Variants in MAST4 observed in about 807,000 individuals in gnomAD.
The protein encoded by MAST4 is microtubule-associated serine/threonine-protein kinase 4.
Under a neutral mutation model 162.7 loss-of-function variants are expected in MAST4, and 89 were observed. That is an observed-to-expected ratio of 0.55 (90% CI 0.46 to 0.65). The LOEUF (loss-of-function observed/expected upper bound fraction) is 0.65, where lower values mean the gene tolerates loss of function less well. Ranked by LOEUF, MAST4 falls within the 30% of genes least tolerant of loss-of-function variation. The probability of loss-of-function intolerance (pLI) is 0.00; values close to 1 mark genes in which losing one functional copy is unlikely to be tolerated. For missense variants in MAST4, 3,153 were observed against 3,374.0 expected, an observed-to-expected ratio of 0.93 and a Z score of 1.62; for synonymous variants, 1,479 against 1,361.1, an observed-to-expected ratio of 1.09 and a Z score of -1.91.
At chr5:66,658,819 C>G (rs184031629) in intron 1 of MAST4, among the ~76,000 whole-genome samples, 1 of 152,100 alleles carries the variant, frequency 6.6e-6, no homozygotes, top group African/African-American at 2.4e-5. Context: ...CCCAGGAGTT[C>G]CAGACTAGCC....
intron 3 of MAST4, among the ~76,000 whole-genome samples, chr5:66,842,113 G>A (rs1486783791): frequency 6.6e-6 from 1 of 152,146 alleles, no homozygotes; most frequent in Non-Finnish European, 1.5e-5. Flanking sequence ...GCTTCTGTGG[G>A]CTTTAAAACA....
intron 4 of MAST4, among the ~76,000 whole-genome samples, chr5:66,915,863 C>A (rs37565): frequency 0.55 from 83,945 of 151,982 alleles, 23,735 homozygotes; most frequent in African/African-American, 0.66. Flanking sequence ...TGGAAGAAGA[C>A]GAAATTTTCT....
chr5:66,716,256 A>AT (rs1750829190), intron 1 of MAST4, among the ~76,000 whole-genome samples: 1 of 152,154 alleles, frequency 6.6e-6, no homozygotes, highest in Admixed American at 6.5e-5. Flanking sequence ...AAATTTCATT[A>AT]TTTACAGTAT....
intron 14 of MAST4, among the ~76,000 whole-genome samples, chr5:67,125,057 T>C (rs1768052370): frequency 6.6e-6 from 1 of 152,102 alleles, no homozygotes; most frequent in South Asian, 2.1e-4. Flanking sequence ...ATAATATACG[T>C]CCAAGGCTCC....
intron 3 of MAST4, among the ~76,000 whole-genome samples, chr5:66,789,446 T>C (rs1755281789): frequency 6.6e-6 from 1 of 152,204 alleles, no homozygotes. Context: ...GTCCCTCTCT[T>C]TAGTCCCCTT....
chr5:67,020,839 A>G (rs1223025361), intron 4 of MAST4, among the ~76,000 whole-genome samples: 1 of 152,168 alleles, frequency 6.6e-6, no homozygotes, highest in Non-Finnish European at 1.5e-5. Flanking sequence ...TACAGCCTGC[A>G]GGCCCAATCT....
At chr5:66,748,036 G>T (rs1752874688) in intron 1 of MAST4, among the ~76,000 whole-genome samples, 2 of 152,146 alleles carry the variant, frequency 1.3e-5, no homozygotes, top group South Asian at 2.1e-4. Flanking sequence ...TGGTGATAGG[G>T]TGTGGGCTTT....
At chr5:66,598,466 C>T (rs1370576562) in intron 1 of MAST4, among the ~76,000 whole-genome samples, 1 of 152,210 alleles carries the variant, frequency 6.6e-6, no homozygotes. Context: ...CAAATCGATC[C>T]TAGCGGCGGG....
intron 3 of MAST4, among the ~76,000 whole-genome samples, chr5:66,885,339 G>A (rs1040733276): frequency 4.6e-5 from 7 of 152,136 alleles, no homozygotes; most frequent in African/African-American, 1.7e-4. Context: ...ACACTTTTTA[G>A]TTAAAGCAAC....
chr5:67,067,080 A>G (rs1385176650), intron 5 of MAST4, among the ~76,000 whole-genome samples: 1 of 152,246 alleles, frequency 6.6e-6, no homozygotes, highest in Non-Finnish European at 1.5e-5. Flanking sequence ...AGGAGGCTAC[A>G]GAGCCTGTCA....
intron 1 of MAST4, among the ~76,000 whole-genome samples, chr5:66,734,518 G>A (rs549831575): frequency 3.4e-4 from 51 of 152,128 alleles, no homozygotes; most frequent in Non-Finnish European, 6.2e-4. Context: ...GAACTTAGCC[G>A]AAAATGATGT....
Position 66,828,857 on chromosome 5 carries a change from G to C in MAST4, c.642+40063G>C, listed in dbSNP as rs1188169089. 4.4e-6 allele frequency: 7 copies of C among 1,606,808 alleles called. No homozygotes were observed. The highest frequency in any genetic ancestry group is 1.6e-4 in the Middle Eastern group (1 of 6,070). ...GCAGAGGGTGAGATGGATGAGTCCAGCATTCTAAGACGAAGAGGGCTCCAG... is the reference window on the plus strand; with the variant it reads ...GCAGAGGGTGAGATGGATGAGTCCACCATTCTAAGACGAAGAGGGCTCCAG... On this transcript the variant is annotated intron_variant, in intron 3 of 28. Transcript: ENST00000403625.
intron 3 of MAST4, among the ~76,000 whole-genome samples, chr5:66,803,192 G>A (rs896491277): frequency 6.6e-6 from 1 of 152,122 alleles, no homozygotes; most frequent in African/African-American, 2.4e-5. Context: ...TAAGTATTGG[G>A]TGTATTTCTC....
chr5:66,872,635 C>T lies in MAST4; in HGVS notation c.643-27316C>T, dbSNP rs189230016. Among the ~76,000 whole-genome samples the T allele has an allele frequency of 1.8e-3, 281 of 152,234 alleles. 2 individuals are homozygous for T. The highest frequency in any genetic ancestry group is 6.5e-3 in the African/African-American group (268 of 41,528). On this transcript the variant is annotated intron_variant, in intron 3 of 28. Coordinates refer to ENST00000403625, the MANE Select transcript of MAST4 (RefSeq NM_001164664.2). ...TAGCTCAGTAGCATCGAGGTGAAGT[C>T]CCGGGAGTTCTGTTGGTACATGAAG...
intron 4 of MAST4, among the ~76,000 whole-genome samples, chr5:66,929,340 T>C (rs998859117): frequency 1.1e-4 from 16 of 152,136 alleles, no homozygotes; most frequent in African/African-American, 3.4e-4. Context: ...CCTCAGTCTT[T>C]TTTGTTCTGT....
chr5:67,076,217 G>C (rs1761625533), intron 5 of MAST4, among the ~76,000 whole-genome samples: 1 of 152,166 alleles, frequency 6.6e-6, no homozygotes, highest in African/African-American at 2.4e-5. Flanking sequence ...TTCTGTTCTT[G>C]TTGGCTCCTT....
intron 1 of MAST4, among the ~76,000 whole-genome samples, chr5:66,706,749 C>G (rs1750156614): frequency 6.6e-6 from 1 of 152,120 alleles, no homozygotes; most frequent in South Asian, 2.1e-4. Flanking sequence ...AGAGACTTAG[C>G]TCCCTGGTGT....
chr5:66,968,795 ATATCAAT>A lies in MAST4; in HGVS notation c.674+68818_674+68824del, dbSNP rs557488285. On this transcript the variant is annotated intron_variant, in intron 4 of 28. Coordinates refer to ENST00000403625, the MANE Select transcript of MAST4 (RefSeq NM_001164664.2). ...CCATCAAAATGTAAAAACTGAGTAG[ATATCAAT>A]TATCTAGGACAAAGTAGAAAGTCAT... 5.9e-5 allele frequency among the ~76,000 whole-genome samples: 9 copies of A among 152,326 alleles called. No individual in the cohort carries two copies. The East Asian group carries it at 1.4e-3, about 23-fold the overall frequency.
intron 1 of MAST4, among the ~76,000 whole-genome samples, chr5:66,733,862 A>G (rs1752007724): frequency 1.3e-5 from 2 of 152,188 alleles, no homozygotes; most frequent in South Asian, 2.1e-4. Flanking sequence ...ACTTAGTGGT[A>G]TATGCCTGCT....
Sources: gnomAD v4.1 joint callset for allele counts (sites outside exome capture counted in the v4.1 genomes callset) on GRCh38, gnomAD v4.1.1 for gene constraint, MANE v1.5 for transcripts, NCBI Gene and HGNC (gene_info 2026-07-23, HGNC 2026-07-21) for gene names.